TTC4: variants seen among roughly 807,000 people sequenced by gnomAD.
The protein encoded by TTC4 is tetratricopeptide repeat domain 4.
TTC4 carries 36 observed loss-of-function variants against 51.9 expected under a neutral mutation model. The observed-to-expected ratio is 0.69, with a 90% CI of 0.53 to 0.92. The LOEUF (loss-of-function observed/expected upper bound fraction) is 0.92. TTC4 is among the 40% of genes least tolerant of loss of function. The pLI is 0.00. For missense variants in TTC4, 399 were observed against 454.6 expected (o/e 0.88, Z 1.11); for synonymous variants, 144 against 164.2 (o/e 0.88, Z 0.94).
At chr1:54,739,620 G>A (rs1344313382) in intron 9 of TTC4, among the ~76,000 whole-genome samples, 1 of 152,254 alleles carries the variant, frequency 6.6e-6, no homozygotes, top group East Asian at 1.9e-4. Flanking sequence ...ATAAGGGAAA[G>A]CCCTCAGCAG....
chr1:54,716,210 G>C (rs1645673904), intron 1 of TTC4, 191 bp downstream of exon 1: 1 of 595,728 alleles, frequency 1.7e-6, no homozygotes, highest in Admixed American at 3.1e-5. Context: ...AGGTTTTGGA[G>C]TCAGGCCTGT....
In TTC4 at chr1:54,738,511, T is replaced by C. The variant is rs529608251; in HGVS notation, c.1061+847T>C. Among the ~76,000 whole-genome samples, 7 of 152,160 alleles carry C rather than the reference T, an allele frequency of 4.6e-5. 1 individual carries two copies. In the South Asian group the frequency reaches 1.4e-3, roughly 32 times the overall value. On this transcript the variant is annotated intron_variant, in intron 9 of 9. Transcript: ENST00000371281. ...CAGCCATGGAGACTGGCCGGGCCCATAAAACTCAGCCATTGGTCAAACAGG... is the reference window on the plus strand; with the variant it reads ...CAGCCATGGAGACTGGCCGGGCCCACAAAACTCAGCCATTGGTCAAACAGG...
Position 54,722,917 on chromosome 1 carries a change from A to C in TTC4, c.594+118A>C, listed in dbSNP as rs1645759978. The C allele has an allele frequency of 4.6e-6, 6 of 1,317,492 alleles. No homozygotes were observed. In the South Asian group the frequency reaches 8.8e-5, roughly 19 times the overall value. The allele number at this position is 1,317,492 out of a possible 1,614,324, so 81.6% of individuals were successfully genotyped here. A position where few individuals can be genotyped will look rare whatever the true frequency, so the allele number is the denominator to read the frequency against. ...AAAACAAAACCCAAAACTAGTCCCT[A>C]CTCCTGGAACTCTGTGGAGCACACA... On this transcript the variant is annotated intron_variant, in intron 5 of 9. Transcript: ENST00000371281.
chr1:54,740,599 G>A (rs560935237), intron 9 of TTC4, among the ~76,000 whole-genome samples: 1 of 152,274 alleles, frequency 6.6e-6, no homozygotes, highest in Admixed American at 6.5e-5. Flanking sequence ...AATGCTGTTG[G>A]AAGTTACTAC....
At chr1:54,738,647 G>C (rs930063633) in intron 9 of TTC4, among the ~76,000 whole-genome samples, 3 of 150,340 alleles carry the variant, frequency 2.0e-5, no homozygotes, top group Non-Finnish European at 4.4e-5. Context: ...GTACATGAAG[G>C]CTGCTAGGAT....
intron 7 of TTC4, among the ~76,000 whole-genome samples, chr1:54,732,574 T>G (rs1484971021): frequency 6.6e-6 from 1 of 151,254 alleles, no homozygotes; most frequent in Non-Finnish European, 1.5e-5. Context: ...TCCTCCTGCC[T>G]CAGCCTCTCA....
intron 9 of TTC4, among the ~76,000 whole-genome samples, chr1:54,740,486 A>T (rs1396639025): frequency 2.0e-5 from 3 of 152,204 alleles, no homozygotes; most frequent in Admixed American, 2.0e-4. Context: ...ATTACCCAGA[A>T]TTCTTTAAAG....
intron 8 of TTC4, 104 bp downstream of exon 8, chr1:54,733,814 T>G (rs12065742): frequency 0.056 from 41,015 of 728,654 alleles, 1,663 homozygotes; most frequent in African/African-American, 0.12. Flanking sequence ...TTGAAAATTA[T>G]AGTAAAATAT....
chr1:54,732,943 C>T (rs1158095868), intron 7 of TTC4, among the ~76,000 whole-genome samples: 2 of 151,360 alleles, frequency 1.3e-5, no homozygotes, highest in African/African-American at 4.9e-5. Flanking sequence ...AAAAATTAGC[C>T]GGGCATGGTG....
chr1:54,735,519 C>T (rs1484916328), intron 8 of TTC4, among the ~76,000 whole-genome samples: 1 of 152,126 alleles, frequency 6.6e-6, no homozygotes, highest in East Asian at 1.9e-4. Flanking sequence ...CCATGCCCGG[C>T]CTGGATTATG....
At chr1:54,736,207 A>T (rs1212619522) in intron 8 of TTC4, among the ~76,000 whole-genome samples, 1,666 of 129,736 alleles carry the variant, frequency 0.013, 136 homozygotes, top group African/African-American at 0.047. Context: ...AGAGAGAGAG[A>T]GAGAGAGAGA....
rs192245744 is a variant in TTC4 at position 54,728,831 on chromosome 1, T to A, written c.681+399T>A. Reference sequence around the variant, plus strand: ...CACTTATCACACACTGTGGCCATAATTTTTGCAGTTTGAGGTACATCAGCA... The same window carrying A: ...CACTTATCACACACTGTGGCCATAAATTTTGCAGTTTGAGGTACATCAGCA... On this transcript the variant is annotated intron_variant, in intron 6 of 9. Transcript: ENST00000371281. Among the ~76,000 whole-genome samples, 50 of 152,328 alleles carry A rather than the reference T, an allele frequency of 3.3e-4. 1 individual carries two copies. The East Asian group carries it at 9.6e-3, about 29-fold the overall frequency.
At chr1:54,727,688 C>CAAAA (rs200521894) in intron 5 of TTC4, among the ~76,000 whole-genome samples, 20 of 43,506 alleles carry the variant, frequency 4.6e-4, no homozygotes, top group Admixed American at 5.9e-4. Context: ...CTCATCTCTA[C>CAAAA]AAAAAAAAAA....
intron 9 of TTC4, among the ~76,000 whole-genome samples, chr1:54,740,005 G>C (rs775236345): frequency 1.2e-4 from 18 of 152,194 alleles, no homozygotes; most frequent in Admixed American, 3.3e-4. Context: ...GAGAAACACA[G>C]CGAGATCCCG....
Position 54,742,171 on chromosome 1 carries a change from G to A in TTC4, c.*658G>A, listed in dbSNP as rs992861941. On this transcript the variant is annotated 3_prime_UTR_variant, in exon 10 of 10. Coordinates refer to ENST00000371281, the MANE Select transcript of TTC4 (RefSeq NM_004623.5). Reference sequence around the variant, plus strand: ...CAGACTTTGGACAGTGGCCTCTTGAGTTCCTCTGCAGTTTTGACATTTAGG... The same window carrying A: ...CAGACTTTGGACAGTGGCCTCTTGAATTCCTCTGCAGTTTTGACATTTAGG... 1.3e-5 allele frequency: 2 copies of A among 152,282 alleles called. No homozygotes were observed. Among genetic ancestry groups the A allele is most frequent in the African/African-American group, 4.8e-5 (2 of 41,448 alleles). The allele number at this position is 152,282 out of a possible 1,614,324, so 9.4% of individuals were successfully genotyped here.
At chr1:54,716,416 A>G (rs1436867093) in intron 1 of TTC4, among the ~76,000 whole-genome samples, 184 bp from the exon 2 acceptor site, 3 of 152,216 alleles carry the variant, frequency 2.0e-5, no homozygotes, top group Non-Finnish European at 4.4e-5. Context: ...GAACTAAAAC[A>G]ATCATTAGAG....
chr1:54,740,541 C>T (rs1274401315), intron 9 of TTC4, among the ~76,000 whole-genome samples: 1 of 152,114 alleles, frequency 6.6e-6, no homozygotes, highest in African/African-American at 2.4e-5. Flanking sequence ...AAATAGAAAG[C>T]AGACCGATGC....
At chr1:54,733,477 A>G in intron 7 of TTC4, 152 bp from the exon 8 acceptor site, 3 of 431,064 alleles carry the variant, frequency 7.0e-6, no homozygotes, top group East Asian at 7.0e-5. Flanking sequence ...CAAGTGATAC[A>G]TATACACATT....
chr1:54,740,833 C>T (rs1646002051), intron 9 of TTC4, among the ~76,000 whole-genome samples: 1 of 152,164 alleles, frequency 6.6e-6, no homozygotes, highest in Non-Finnish European at 1.5e-5. Flanking sequence ...TGGTTACTTG[C>T]ACCTCCTGGC....
Sources: allele counts gnomAD v4.1 joint callset (sites outside exome capture counted in the v4.1 genomes callset), GRCh38; gene constraint gnomAD v4.1.1; transcripts MANE v1.5; gene names NCBI Gene and HGNC (gene_info 2026-07-23, HGNC 2026-07-21).